DSCAM: variants seen among roughly 807,000 people sequenced by gnomAD.
DSCAM encodes the protein DS cell adhesion molecule.
In DSCAM, 47 loss-of-function variants were observed where a neutral mutation model predicts 217.7. The observed-to-expected ratio is 0.22, with a 90% CI of 0.17 to 0.28. DSCAM has a LOEUF of 0.28. DSCAM is among the 10% of genes least tolerant of loss of function. The pLI, the probability that DSCAM is intolerant of heterozygous loss-of-function variation, is 1.00. For missense variants in DSCAM, 2,080 were observed against 2,618.3 expected (o/e 0.79, Z 4.49); for synonymous variants, 1,056 against 1,015.3 (o/e 1.04, Z -0.76).
At chr21:40,057,378 C>T (rs748454961) in intron 28 of DSCAM, among the ~76,000 whole-genome samples, 7 of 152,152 alleles carry the variant, frequency 4.6e-5, no homozygotes, top group Non-Finnish European at 7.3e-5. Flanking sequence ...GCTGCATTTA[C>T]GGCATGCTTA....
In DSCAM at chr21:40,044,271, G is replaced by A. The variant is rs1397387955; in HGVS notation, c.5190C>T (p.Pro1730=). ...DVSDARPGTN[P]TTRRNAKAGP... is the part of the protein sequence containing the mutation. ...CAGCCTTGGCATTCCTCCTGGTGGTGGGATCTGTGAAGAGCCAAGAATCAT... is the reference window on the plus strand; with the variant it reads ...CAGCCTTGGCATTCCTCCTGGTGGTAGGATCTGTGAAGAGCCAAGAATCAT... Residue 1730 remains proline, a synonymous_variant, in exon 31 of 33, where the codon CCC becomes CCT. Coordinates refer to ENST00000400454, the MANE Select transcript of DSCAM (RefSeq NM_001389.5). 3.7e-6 allele frequency: 6 copies of A among 1,613,572 alleles called. No individual in the cohort carries two copies. The highest frequency in any genetic ancestry group is 5.1e-6 in the Non-Finnish European group (6 of 1,179,824).
chr21:40,548,928 G>C (rs932770830), intron 3 of DSCAM, among the ~76,000 whole-genome samples: 3 of 152,208 alleles, frequency 2.0e-5, no homozygotes, highest in Admixed American at 1.3e-4. Flanking sequence ...AACAAGGCCG[G>C]GCACGGTGGC....
chr21:40,600,661 T>C (rs1178625198), intron 3 of DSCAM, among the ~76,000 whole-genome samples: 1 of 152,228 alleles, frequency 6.6e-6, no homozygotes, highest in Non-Finnish European at 1.5e-5. Context: ...TTGCACTTTA[T>C]ATGTGGGTCT....
chr21:40,155,232 G>C (rs2146744787), intron 16 of DSCAM, among the ~76,000 whole-genome samples: 1 of 152,300 alleles, frequency 6.6e-6, no homozygotes. Context: ...AGGGCATTCG[G>C]GCTTTGCTTC....
intron 1 of DSCAM, among the ~76,000 whole-genome samples, chr21:40,742,657 G>A (rs895608116): frequency 1.3e-5 from 2 of 152,188 alleles, no homozygotes; most frequent in Admixed American, 6.5e-5. Context: ...GTAGAGGTTT[G>A]AGAAAGCAGT....
At chr21:40,634,977 A>T (rs1239344833) in intron 3 of DSCAM, among the ~76,000 whole-genome samples, 1 of 152,212 alleles carries the variant, frequency 6.6e-6, no homozygotes, top group Non-Finnish European at 1.5e-5. Flanking sequence ...ACTGGAATAT[A>T]AGTTTCACAA....
At chr21:40,141,147 C>A (rs1165885125) in intron 18 of DSCAM, among the ~76,000 whole-genome samples, 4 of 152,230 alleles carry the variant, frequency 2.6e-5, no homozygotes, top group Non-Finnish European at 5.9e-5. Flanking sequence ...GTTGCACCAA[C>A]CGTGGAGGCT....
At chr21:40,137,583 G>A (rs1213714924) in intron 18 of DSCAM, among the ~76,000 whole-genome samples, 1 of 141,168 alleles carries the variant, frequency 7.1e-6, no homozygotes. Flanking sequence ...TGCCTCTGTA[G>A]GGCTGTTTAA....
chr21:40,761,794 C>T lies in DSCAM; in HGVS notation c.44-53023G>A, dbSNP rs565860179. On this transcript the variant is annotated intron_variant, in intron 1 of 32. Transcript: ENST00000400454. ...ATAGTTCATTACTAGAGAAGTTTCT[C>T]TAAACATGTAGAGCATCAAAACCGC... 9.8e-4 allele frequency among the ~76,000 whole-genome samples: 149 copies of T among 152,286 alleles called. 3 individuals are homozygous for T. The South Asian group carries it at 0.03, about 31-fold the overall frequency.
Position 40,012,432 on chromosome 21 carries a change from CTTTTTT to C in DSCAM, c.*596_*601del, listed in dbSNP as rs2088073175. On this transcript the variant is annotated 3_prime_UTR_variant, in exon 33 of 33. Coordinates refer to ENST00000400454, the MANE Select transcript of DSCAM (RefSeq NM_001389.5). ...TGGAAATAAAGGCAGACAACCTTTT[CTTTTTT>C]ATTTCGCTTAGACAAAATGCAAAGA... The C allele has an allele frequency of 6.6e-6, 1 of 152,152 alleles. No homozygotes were observed. The highest frequency in any genetic ancestry group is 1.5e-5 in the Non-Finnish European group (1 of 68,018). 9.4% of individuals were successfully genotyped at this position (152,152 alleles called of 1,614,324 possible).
At chr21:40,675,842 C>T (rs1438808336) in intron 3 of DSCAM, among the ~76,000 whole-genome samples, 4 of 151,368 alleles carry the variant, frequency 2.6e-5, no homozygotes, top group Non-Finnish European at 5.9e-5. Flanking sequence ...CTCAATTTAA[C>T]TAACCCTTCA....
At chr21:40,120,930 G>A (rs1332837967) in intron 20 of DSCAM, among the ~76,000 whole-genome samples, 1 of 152,218 alleles carries the variant, frequency 6.6e-6, no homozygotes, top group African/African-American at 2.4e-5. Context: ...TTCCCAAGAA[G>A]GGGAGATGAA....
chr21:40,804,487 C>T (rs1047264596), intron 1 of DSCAM, among the ~76,000 whole-genome samples: 1 of 152,052 alleles, frequency 6.6e-6, no homozygotes, highest in Non-Finnish European at 1.5e-5. Context: ...TCTCTCTGCT[C>T]CTACCACCCT....
intron 11 of DSCAM, among the ~76,000 whole-genome samples, chr21:40,258,165 T>C (rs559238304): frequency 5.9e-5 from 9 of 152,300 alleles, no homozygotes; most frequent in South Asian, 4.1e-4. Context: ...AGCAGTACCA[T>C]ATACAAAAAG....
intron 11 of DSCAM, among the ~76,000 whole-genome samples, chr21:40,263,853 G>A (rs2073486553): frequency 6.6e-6 from 1 of 152,002 alleles, no homozygotes; most frequent in Non-Finnish European, 1.5e-5. Context: ...AGTTCAATTG[G>A]AAATGAAAAT....
chr21:40,337,615 T>G (rs1321490561), intron 8 of DSCAM, among the ~76,000 whole-genome samples: 1 of 152,156 alleles, frequency 6.6e-6, no homozygotes, highest in Non-Finnish European at 1.5e-5. Flanking sequence ...GAGGAAAACG[T>G]TCTGTGGCAT....
intron 11 of DSCAM, among the ~76,000 whole-genome samples, chr21:40,269,330 G>A (rs934363005): frequency 1.9e-4 from 29 of 152,244 alleles, no homozygotes; most frequent in South Asian, 1.5e-3. Context: ...TTGTTTTTAC[G>A]TTTCATTGTG....
At chr21:40,201,904 T>C (rs557144068) in intron 11 of DSCAM, among the ~76,000 whole-genome samples, 49 of 152,252 alleles carry the variant, frequency 3.2e-4, no homozygotes, top group Middle Eastern at 3.4e-3. Context: ...AGCAAAAATA[T>C]ATTATGAGCC....
chr21:40,446,883 C>T lies in DSCAM; in HGVS notation c.509-77638G>A, dbSNP rs187822527. Among the ~76,000 whole-genome samples, 616 of 152,262 alleles carry T rather than the reference C, an allele frequency of 4.0e-3. 4 individuals carry two copies. The highest frequency in any genetic ancestry group is 7.0e-3 in the Non-Finnish European group (476 of 68,018). On this transcript the variant is annotated intron_variant, in intron 3 of 32. Coordinates refer to ENST00000400454, the MANE Select transcript of DSCAM (RefSeq NM_001389.5). ...AGTCCTGTTGGGGAAATACTAATGACAGGGCCAGCCCCAAATGCAGCAAAG... is the reference window on the plus strand; with the variant it reads ...AGTCCTGTTGGGGAAATACTAATGATAGGGCCAGCCCCAAATGCAGCAAAG...
Sources: allele counts gnomAD v4.1 joint callset (sites outside exome capture counted in the v4.1 genomes callset), GRCh38; gene constraint gnomAD v4.1.1; transcripts MANE v1.5; gene names NCBI Gene and HGNC (gene_info 2026-07-23, HGNC 2026-07-21).